GJB1: variants seen among roughly 807,000 people sequenced by gnomAD.
GJB1 encodes the protein gap junction protein beta 1.
Under a neutral mutation model 12.0 loss-of-function variants are expected in GJB1, and 1 was observed. That is an observed-to-expected ratio of 0.08 (90% confidence interval 0.03 to 0.40). The LOEUF (loss-of-function observed/expected upper bound fraction) is 0.40, where lower values mean the gene tolerates loss of function less well. Ranked by LOEUF, GJB1 falls within the 10% of genes least tolerant of loss-of-function variation. The probability of loss-of-function intolerance (pLI) is 0.98; values close to 1 mark genes in which losing one functional copy is unlikely to be tolerated. For synonymous variants in GJB1, 114 were observed against 102.8 expected, an observed-to-expected ratio of 1.11 and a Z score of -0.66; for missense variants, 140 against 250.3, an observed-to-expected ratio of 0.56 and a Z score of 2.97.
Position 71,225,130 on chromosome X carries a change from C to T in GJB1, c.*571C>T, listed in dbSNP as rs1449851024. The T allele has an allele frequency of 7.7e-6, 1 of 129,457 alleles. No individual in the cohort carries two copies. The highest frequency in any genetic ancestry group is 3.2e-5 in the African/African-American group (1 of 30,772). The allele number at this position is 129,457 out of a possible 1,213,427, so 10.7% of individuals were successfully genotyped here. On this transcript the variant is annotated 3_prime_UTR_variant, in exon 2 of 2. Coordinates refer to ENST00000361726, the MANE Select transcript of GJB1 (RefSeq NM_000166.6). Reference sequence around the variant, plus strand: ...TGGAGCAGGGGTTGGTCAAGGCCACCTCTGCCTCTAGTCCCCAAGGCCTCT... The same window carrying T: ...TGGAGCAGGGGTTGGTCAAGGCCACTTCTGCCTCTAGTCCCCAAGGCCTCT...
rs1328428398 is a variant in GJB1, at chrX:71,223,628, G to A, written c.-16-64G>A. On this transcript the variant is annotated intron_variant, in intron 1 of 1. Coordinates refer to ENST00000361726, the MANE Select transcript of GJB1 (RefSeq NM_000166.6). ...AGTTGAGGGGGGGTGCGCAGGCAGT[G>A]CTATGGCGCCCGACTTTCCACCCCA... 5 of 1,087,664 alleles carry A rather than the reference G, an allele frequency of 4.6e-6. No homozygotes were observed. The African/African-American group carries it at 7.3e-5, about 16-fold the overall frequency. The allele number at this position is 1,087,664 out of a possible 1,213,427, so 89.6% of individuals were successfully genotyped here. A position where few individuals can be genotyped will look rare whatever the true frequency, so the allele number is the denominator to read the frequency against.
chrX:71,224,801 A>G lies in GJB1; in HGVS notation c.*242A>G, dbSNP rs190185368. ...AGTGTGGGCTGCCCTTGTTGCCTGCACCCTTCCCTCTTCCCTCTCCCTCTC... is the reference window on the plus strand; with the variant it reads ...AGTGTGGGCTGCCCTTGTTGCCTGCGCCCTTCCCTCTTCCCTCTCCCTCTC... On this transcript the variant is annotated 3_prime_UTR_variant, in exon 2 of 2. Coordinates refer to ENST00000361726, the MANE Select transcript of GJB1 (RefSeq NM_000166.6). 2.9e-5 allele frequency: 13 copies of G among 443,838 alleles called. No homozygotes were observed. The African/African-American group carries it at 3.0e-4, about 10-fold the overall frequency. The allele number at this position is 443,838 out of a possible 1,213,427, so 36.6% of individuals were successfully genotyped here.
rs2092547702 is a variant in GJB1, at chrX:71,224,813, T to A, written c.*254T>A. Reference sequence around the variant, plus strand: ...CCTTGTTGCCTGCACCCTTCCCTCTTCCCTCTCCCTCTCTCTGGGACCACT... The same window carrying A: ...CCTTGTTGCCTGCACCCTTCCCTCTACCCTCTCCCTCTCTCTGGGACCACT... On this transcript the variant is annotated 3_prime_UTR_variant, in exon 2 of 2. Coordinates refer to ENST00000361726, the MANE Select transcript of GJB1 (RefSeq NM_000166.6). 5 of 435,644 alleles carry A rather than the reference T, an allele frequency of 1.1e-5. No individual in the cohort carries two copies. The highest frequency in any genetic ancestry group is 2.1e-5 in the Non-Finnish European group (5 of 242,918). 35.9% of individuals were successfully genotyped at this position (435,644 alleles called of 1,213,427 possible).
chrX:71,223,475 C>T lies in GJB1; in HGVS notation c.-17+140C>T, dbSNP rs2092541423. The T allele has an allele frequency of 1.3e-5, 6 of 446,789 alleles. No individual in the cohort carries two copies. Among genetic ancestry groups the T allele is most frequent in the Non-Finnish European group, 1.6e-5 (4 of 255,097 alleles). The allele number at this position is 446,789 out of a possible 1,213,427, so 36.8% of individuals were successfully genotyped here. A position where few individuals can be genotyped will look rare whatever the true frequency, so the allele number is the denominator to read the frequency against. On this transcript the variant is annotated intron_variant, in intron 1 of 1. Transcript: ENST00000361726. ...GCGGGAAAAGAATGTTGGATGAAAG[C>T]GAAGAAGGGGGATGGGGCTCAGGGA...
chrX:71,216,974 TG>T (rs2092526777), intron 1 of GJB1, among the ~76,000 whole-genome samples: 1 of 111,534 alleles, frequency 9.0e-6, no homozygotes, highest in Non-Finnish European at 1.9e-5. Context: ...AGTCCGAGGC[TG>T]AATGTAACCT....
At position 71,224,415 on chromosome X, in the gene GJB1, C is replaced by A; in HGVS notation, c.708C>A (p.Gly236=). 1 of 1,210,198 alleles carries A rather than the reference C, an allele frequency of 8.3e-7. No homozygotes were observed. Among genetic ancestry groups the A allele is most frequent in the Non-Finnish European group, 1.1e-6 (1 of 894,944 alleles). ...NPPSRKGSGF[G]HRLSPEYKQN... ...CTTCCCGCAAGGGCTCGGGCTTCGG[C>A]CACCGCCTCTCACCTGAATACAAGC... Residue 236 remains glycine, a synonymous_variant, in exon 2 of 2, where the codon GGC becomes GGA. Coordinates refer to ENST00000361726, the MANE Select transcript of GJB1 (RefSeq NM_000166.6).
chrX:71,216,170 C>T (rs1011206614), intron 1 of GJB1, among the ~76,000 whole-genome samples: 10 of 111,301 alleles, frequency 9.0e-5, no homozygotes, highest in Non-Finnish European at 1.3e-4. Context: ...CACGCCCGGC[C>T]GGTTTGGAGA....
At position 71,224,542 on chromosome X, in the gene GJB1, C is replaced by T. The variant is rs374321066; in HGVS notation, c.835C>T (p.Arg279Cys). The T allele has an allele frequency of 5.1e-6, 6 of 1,187,586 alleles. No homozygotes were observed. Among genetic ancestry groups the T allele is most frequent in the Admixed American group, 2.3e-5 (1 of 42,798 alleles). ...TGAGLAEKSD[R>C]CSAC ...GGCTGGGCTGGCTGAAAAGAGCGAC[C>T]GCTGCTCGGCCTGCTGATGCCACAT... The change falls in exon 2 of 2, where the codon CGC (arginine) becomes TGC (cysteine). Residue 279 changes from arginine to cysteine, a missense_variant. Transcript: ENST00000361726.
upstream of GJB1, among the ~76,000 whole-genome samples, chrX:71,219,760 C>T (rs1210560195): frequency 1.7e-5 from 1 of 58,036 alleles, no homozygotes; most frequent in Non-Finnish European, 2.8e-5. Context: ...GGCGACAGAG[C>T]GAGACTCCCT....
In GJB1 at chrX:71,223,326, G is replaced by T. The variant is rs952135111; in HGVS notation, c.-26G>T. 7.0e-6 allele frequency: 2 copies of T among 286,006 alleles called. No individual in the cohort carries two copies. Among genetic ancestry groups the T allele is most frequent in the Non-Finnish European group, 1.3e-5 (2 of 158,217 alleles). 23.6% of individuals were successfully genotyped at this position (286,006 alleles called of 1,213,427 possible). On this transcript the variant is annotated 5_prime_UTR_variant, in exon 1 of 2. Transcript: ENST00000361726. ...TGTCTGGGTGGCCTCAGGGATAGGCGCTCCCCAAGGTAAGAGGGCTTTGTT... is the reference window on the plus strand; with the variant it reads ...TGTCTGGGTGGCCTCAGGGATAGGCTCTCCCCAAGGTAAGAGGGCTTTGTT...
chrX:71,222,023 T>C (rs1217187657), upstream of GJB1, among the ~76,000 whole-genome samples: 4 of 109,632 alleles, frequency 3.6e-5, no homozygotes, highest in East Asian at 1.2e-3. Context: ...ATACCTGTGG[T>C]CCCAGCTAAT....
chrX:71,224,631 G>T lies in GJB1; in HGVS notation c.*72G>T. 1 of 884,241 alleles carries T rather than the reference G, an allele frequency of 1.1e-6. No homozygotes were observed. The highest frequency in any genetic ancestry group is 1.6e-6 in the Non-Finnish European group (1 of 620,352). The allele number at this position is 884,241 out of a possible 1,213,427, so 72.9% of individuals were successfully genotyped here. ...GGCGAGCCCCTCCTTCTCCCCTGCC[G>T]GTGCACAGGCCTCTGCCTGCTGGGG... On this transcript the variant is annotated 3_prime_UTR_variant, in exon 2 of 2. Transcript: ENST00000361726.
chrX:71,223,295 G>A lies in GJB1; in HGVS notation c.-57G>A. On this transcript the variant is annotated 5_prime_UTR_variant, in exon 1 of 2. Coordinates refer to ENST00000361726, the MANE Select transcript of GJB1 (RefSeq NM_000166.6). ...CCCCTGCACAGACATGAGACCATAG[G>A]GGACCTGTCTGGGTGGCCTCAGGGA... The A allele has an allele frequency of 1.5e-5, 4 of 264,590 alleles. No individual in the cohort carries two copies. In the South Asian group the frequency reaches 1.9e-4, roughly 13 times the overall value. 21.8% of individuals were successfully genotyped at this position (264,590 alleles called of 1,213,427 possible). A position where few individuals can be genotyped will look rare whatever the true frequency, so the allele number is the denominator to read the frequency against.
upstream of GJB1, among the ~76,000 whole-genome samples, chrX:71,220,890 C>CTTTTTTTTT (rs869189116): frequency 1.7e-4 from 6 of 34,495 alleles, no homozygotes; most frequent in Admixed American, 4.8e-4. Flanking sequence ...TGTTTCTTTC[C>CTTTTTTTTT]TTTTTTTTTT....
chrX:71,216,669 C>T (rs11094200), intron 1 of GJB1, among the ~76,000 whole-genome samples: 19,704 of 109,893 alleles, frequency 0.18, 1,456 homozygotes, highest in African/African-American at 0.26. Context: ...CTGAAAAGAC[C>T]GCAGCAGAGA....
At position 71,224,418 on chromosome X, in the gene GJB1, C is replaced by T; in HGVS notation, c.711C>T (p.His237=). ...CCCGCAAGGGCTCGGGCTTCGGCCA[C>T]CGCCTCTCACCTGAATACAAGCAGA... ...PPSRKGSGFG[H]RLSPEYKQNE... is the part of the protein sequence containing the mutation. The change falls in exon 2 of 2, where the codon CAC becomes CAT. Residue 237 remains histidine, a synonymous_variant. Coordinates refer to ENST00000361726, the MANE Select transcript of GJB1 (RefSeq NM_000166.6). The T allele has an allele frequency of 8.3e-7, 1 of 1,209,991 alleles. No individual in the cohort carries two copies. Among genetic ancestry groups the T allele is most frequent in the Non-Finnish European group, 1.1e-6 (1 of 894,857 alleles).
chrX:71,217,265 GAAAAT>G (rs2092527577), intron 1 of GJB1, among the ~76,000 whole-genome samples: 1 of 112,437 alleles, frequency 8.9e-6, no homozygotes, highest in Admixed American at 9.4e-5. Flanking sequence ...TTTGAGGTAA[GAAAAT>G]AAACTTGGAA....
chrX:71,219,119 T>C (rs1285589751), upstream of GJB1, among the ~76,000 whole-genome samples: 2 of 108,131 alleles, frequency 1.8e-5, no homozygotes, highest in African/African-American at 3.4e-5. Flanking sequence ...TAAATTTTTT[T>C]TTAATAAAAA....
intron 1 of GJB1, among the ~76,000 whole-genome samples, chrX:71,215,988 C>G (rs6625769): frequency 0.28 from 30,674 of 108,012 alleles, 3,497 homozygotes; most frequent in East Asian, 0.5. Context: ...TCTCCTGCCT[C>G]AGCCTCCCGA....
Sources: gnomAD v4.1 joint callset for allele counts (sites outside exome capture counted in the v4.1 genomes callset) on GRCh38, gnomAD v4.1.1 for gene constraint, MANE v1.5 for transcripts, NCBI Gene and HGNC (gene_info 2026-07-23, HGNC 2026-07-21) for gene names.